Variants in SNTG1 observed in about 807,000 individuals in gnomAD.
The protein encoded by SNTG1 is syntrophin gamma 1, also known as gamma-1-syntrophin.
Under a neutral mutation model 74.7 loss-of-function variants are expected in SNTG1, and 39 were observed. The ratio of observed to expected loss-of-function variants is 0.52; its 90% CI spans 0.40 to 0.68. The LOEUF is 0.68. SNTG1 is among the 30% of genes least tolerant of loss of function. The probability of loss-of-function intolerance (pLI) is 0.00; values close to 1 mark genes in which losing one functional copy is unlikely to be tolerated. For synonymous variants in SNTG1, 254 were observed against 217.1 expected (o/e 1.17, Z -1.49); for missense variants, 685 against 609.5 (o/e 1.12, Z -1.30).
chr8:50,444,095 G>A (rs1039703479), intron 5 of SNTG1, among the ~76,000 whole-genome samples: 4 of 152,198 alleles, frequency 2.6e-5, no homozygotes, highest in Admixed American at 1.3e-4. Flanking sequence ...CTGAGATCAC[G>A]CCTCTGCATT....
At chr8:50,706,582 T>G (rs947628711) in intron 16 of SNTG1, among the ~76,000 whole-genome samples, 2 of 152,148 alleles carry the variant, frequency 1.3e-5, no homozygotes, top group African/African-American at 4.8e-5. Context: ...TGATATTCAG[T>G]GAAATACATT....
intron 15 of SNTG1, among the ~76,000 whole-genome samples, chr8:50,682,350 G>A (rs2095334736): frequency 1.3e-5 from 2 of 151,934 alleles, no homozygotes; most frequent in Admixed American, 1.3e-4. Flanking sequence ...GGTGGGAAGG[G>A]CAGTTACAGA....
chr8:50,506,325 A>C (rs2094006256), intron 9 of SNTG1, among the ~76,000 whole-genome samples: 1 of 152,092 alleles, frequency 6.6e-6, no homozygotes, highest in Non-Finnish European at 1.5e-5. Flanking sequence ...TTGACTATTC[A>C]GAATTCGTTG....
chr8:50,633,692 G>A (rs2095019244), intron 13 of SNTG1, among the ~76,000 whole-genome samples: 2 of 152,114 alleles, frequency 1.3e-5, no homozygotes, highest in African/African-American at 4.8e-5. Flanking sequence ...CCATCCAAAC[G>A]AGCTGGGGAA....
intron 1 of SNTG1, among the ~76,000 whole-genome samples, chr8:49,955,791 A>G (rs962721534): frequency 1.1e-4 from 17 of 152,182 alleles, no homozygotes; most frequent in Non-Finnish European, 1.9e-4. Context: ...TCACACATGA[A>G]AAGGGCTCTG....
intron 3 of SNTG1, among the ~76,000 whole-genome samples, chr8:50,399,848 TTAAAG>T (rs1267776037): frequency 6.6e-6 from 1 of 152,212 alleles, no homozygotes; most frequent in Non-Finnish European, 1.5e-5. Context: ...ATATATTCAC[TTAAAG>T]TATTCTCTAG....
At chr8:50,679,618 A>G (rs2095323319) in intron 15 of SNTG1, among the ~76,000 whole-genome samples, 1 of 152,212 alleles carries the variant, frequency 6.6e-6, no homozygotes, top group Middle Eastern at 3.4e-3. Context: ...ATCCAGTGTC[A>G]TTCTCACTTT....
intron 1 of SNTG1, among the ~76,000 whole-genome samples, chr8:49,920,265 A>T (rs943524145): frequency 2.0e-5 from 3 of 152,054 alleles, no homozygotes; most frequent in African/African-American, 7.2e-5. Context: ...CTATTTTCTC[A>T]CATTCTATGT....
At chr8:50,735,587 G>A (rs144357753) in intron 17 of SNTG1, among the ~76,000 whole-genome samples, 52 of 152,016 alleles carry the variant, frequency 3.4e-4, no homozygotes, top group African/African-American at 1.1e-3. Context: ...AGAATGAAAA[G>A]GAATGATCGA....
At chr8:50,651,130 A>G (rs1294667166) in intron 13 of SNTG1, among the ~76,000 whole-genome samples, 3 of 152,104 alleles carry the variant, frequency 2.0e-5, no homozygotes, top group East Asian at 3.9e-4. Flanking sequence ...GAGTATTTAC[A>G]TTATTATTCT....
chr8:50,468,893 G>A (rs761114883), intron 8 of SNTG1, among the ~76,000 whole-genome samples: 13 of 152,126 alleles, frequency 8.5e-5, no homozygotes, highest in South Asian at 8.3e-4. Flanking sequence ...TGTAGTGCAG[G>A]TACCTTTTAA....
chr8:50,182,450 G>A (rs1255455820), intron 2 of SNTG1, among the ~76,000 whole-genome samples: 1 of 152,070 alleles, frequency 6.6e-6, no homozygotes, highest in Admixed American at 6.6e-5. Context: ...TAAATCTTTA[G>A]TTGAGTAACA....
At position 50,708,888 on chromosome 8, in the gene SNTG1, C is replaced by G; in HGVS notation, c.1194C>G (p.Cys398Trp). 6.2e-7 allele frequency: 1 copy of G among 1,609,484 alleles called. No individual in the cohort carries two copies. Among genetic ancestry groups the G allele is most frequent in the Non-Finnish European group, 8.5e-7 (1 of 1,176,090 alleles). ...ACAATACTTTCTGTTCTACCTAGTGCAAGACCTATGCATGTGTGCTAGAAA... is the reference window on the plus strand; with the variant it reads ...ACAATACTTTCTGTTCTACCTAGTGGAAGACCTATGCATGTGTGCTAGAAA... ...ATFLEVERIQCKTYACVLESH... is the reference protein window; with the variant it reads ...ATFLEVERIQWKTYACVLESH... The change falls in exon 17 of 19, where the codon TGC becomes TGG. Residue 398 changes from cysteine to tryptophan, a missense_variant and splice_region_variant. Coordinates refer to ENST00000642720, the MANE Select transcript of SNTG1 (RefSeq NM_018967.5).
chr8:50,206,186 C>A (rs1192557331), intron 2 of SNTG1, among the ~76,000 whole-genome samples: 1 of 152,160 alleles, frequency 6.6e-6, no homozygotes, highest in Non-Finnish European at 1.5e-5. Flanking sequence ...GATATTGATT[C>A]TTCCTATCCA....
intron 1 of SNTG1, among the ~76,000 whole-genome samples, chr8:50,100,760 C>T (rs535620409): frequency 6.6e-6 from 1 of 152,056 alleles, no homozygotes; most frequent in East Asian, 1.9e-4. Flanking sequence ...TTTAAAAGTA[C>T]AATAATACTT....
chr8:50,467,872 T>C (rs2093621732), intron 8 of SNTG1, among the ~76,000 whole-genome samples: 1 of 151,940 alleles, frequency 6.6e-6, no homozygotes, highest in African/African-American at 2.4e-5. Context: ...TAAATTCTCT[T>C]CAGACTTCTT....
At chr8:50,641,007 A>G (rs73676376) in intron 13 of SNTG1, among the ~76,000 whole-genome samples, 3,738 of 152,208 alleles carry the variant, frequency 0.025, 137 homozygotes, top group African/African-American at 0.08. Context: ...CCCAGCATAC[A>G]TGCTCAGTTC....
intron 17 of SNTG1, among the ~76,000 whole-genome samples, chr8:50,745,569 G>A (rs2095553236): frequency 6.6e-6 from 1 of 151,976 alleles, no homozygotes; most frequent in Non-Finnish European, 1.5e-5. Context: ...ATACACCAAA[G>A]AATTGAAAGC....
chr8:50,436,986 T>G (rs1272330715), intron 4 of SNTG1, among the ~76,000 whole-genome samples: 2 of 152,138 alleles, frequency 1.3e-5, no homozygotes, highest in African/African-American at 2.4e-5. Flanking sequence ...AAAAACAGAC[T>G]TTGTGGTAGT....
Sources: allele counts gnomAD v4.1 joint callset (sites outside exome capture counted in the v4.1 genomes callset), GRCh38; gene constraint gnomAD v4.1.1; transcripts MANE v1.5; gene names NCBI Gene and HGNC (gene_info 2026-07-23, HGNC 2026-07-21).